The following CERS6 variants were observed in gnomAD, a reference collection of about 807,000 sequenced individuals.
CERS6 encodes the protein LAG1 homolog, ceramide synthase 6.
Under a neutral mutation model 56.8 loss-of-function variants are expected in CERS6, and 26 were observed. The ratio of observed to expected loss-of-function variants is 0.46; its 90% CI spans 0.34 to 0.63. The LOEUF is 0.63. Among genes scored for constraint, CERS6 ranks in the 30% least tolerant of loss-of-function variants. CERS6 has a pLI of 0.01. For synonymous variants in CERS6, 164 were observed against 173.3 expected, an observed-to-expected ratio of 0.95 and a Z score of 0.42; for missense variants, 415 against 467.5, an observed-to-expected ratio of 0.89 and a Z score of 1.04.
At chr2:168,717,350 CTTG>C (rs201089823) in intron 7 of CERS6, among the ~76,000 whole-genome samples, 1,562 of 152,198 alleles carry the variant, frequency 0.01, 26 homozygotes, top group African/African-American at 0.034. Flanking sequence ...CAGAGTACTC[CTTG>C]TGCCTGTTTA....
At chr2:168,654,912 A>C (rs963883928) in intron 4 of CERS6, among the ~76,000 whole-genome samples, 1 of 152,218 alleles carries the variant, frequency 6.6e-6, no homozygotes, top group Non-Finnish European at 1.5e-5. Context: ...TCTCTTCTTT[A>C]TACATCTCAT....
intron 1 of CERS6, among the ~76,000 whole-genome samples, chr2:168,536,103 A>C (rs1297589898): frequency 2.0e-5 from 3 of 152,198 alleles, no homozygotes; most frequent in Non-Finnish European, 4.4e-5. Context: ...GTGATCCTAA[A>C]TTCAAGTGGC....
chr2:168,535,762 C>T (rs1194251313), intron 1 of CERS6, among the ~76,000 whole-genome samples: 1 of 127,916 alleles, frequency 7.8e-6, no homozygotes, highest in Non-Finnish European at 1.6e-5. Context: ...CTTTTTATAT[C>T]TCGTGTGCAT....
intron 4 of CERS6, among the ~76,000 whole-genome samples, chr2:168,635,049 C>T (rs1684832095): frequency 3.3e-5 from 5 of 152,158 alleles, no homozygotes; most frequent in Admixed American, 3.3e-4. Flanking sequence ...GCTTAGTGAT[C>T]CAGTTAATTT....
At chr2:168,749,003 T>C (rs1255142304) in intron 8 of CERS6, among the ~76,000 whole-genome samples, 1 of 146,522 alleles carries the variant, frequency 6.8e-6, no homozygotes, top group Non-Finnish European at 1.5e-5. Context: ...CCCTCTGTCT[T>C]ACCATTTCCT....
At chr2:168,711,554 T>C (rs957997197) in intron 6 of CERS6, among the ~76,000 whole-genome samples, 1 of 151,924 alleles carries the variant, frequency 6.6e-6, no homozygotes, top group African/African-American at 2.4e-5. Context: ...GCCAACATGG[T>C]GAAACCCCGT....
intron 8 of CERS6, among the ~76,000 whole-genome samples, chr2:168,742,954 T>A (rs796392365): frequency 2.6e-5 from 4 of 152,258 alleles, no homozygotes; most frequent in African/African-American, 9.6e-5. Context: ...CCTGCTCTCT[T>A]TTGATATTTA....
chr2:168,721,925 C>T (rs978179660), intron 8 of CERS6, among the ~76,000 whole-genome samples: 6 of 152,182 alleles, frequency 3.9e-5, no homozygotes, highest in African/African-American at 1.4e-4. Context: ...CAGCCCACCA[C>T]ACTCTTTTAC....
At chr2:168,718,103 C>T (rs1017872602) in intron 8 of CERS6, 125 bp downstream of exon 8, 8 of 629,516 alleles carry the variant, frequency 1.3e-5, no homozygotes, top group Non-Finnish European at 1.9e-5. Context: ...AGGGGAAATA[C>T]CTCAAGAAGC....
intron 4 of CERS6, among the ~76,000 whole-genome samples, chr2:168,645,986 G>T (rs7583052): frequency 0.31 from 47,509 of 151,776 alleles, 8,868 homozygotes; most frequent in African/African-American, 0.51. Context: ...TTGCAAATAG[G>T]GCTGCAGTGA....
chr2:168,517,407 G>C (rs896423317), intron 1 of CERS6, among the ~76,000 whole-genome samples: 2 of 151,850 alleles, frequency 1.3e-5, no homozygotes, highest in Non-Finnish European at 2.9e-5. Flanking sequence ...CAGGAGAATT[G>C]CTTGAACCCA....
intron 4 of CERS6, among the ~76,000 whole-genome samples, chr2:168,673,497 A>G (rs1298197815): frequency 1.3e-5 from 2 of 152,174 alleles, no homozygotes; most frequent in Non-Finnish European, 2.9e-5. Flanking sequence ...ACAAACCAGG[A>G]TTTGTCTTTT....
intron 4 of CERS6, among the ~76,000 whole-genome samples, chr2:168,685,925 C>T (rs1196526562): frequency 2.0e-5 from 3 of 151,450 alleles, no homozygotes; most frequent in Admixed American, 2.0e-4. Context: ...TTCTCATCCA[C>T]TGTGATATGG....
chr2:168,494,772 T>G (rs1694435913), intron 1 of CERS6, among the ~76,000 whole-genome samples: 1 of 152,130 alleles, frequency 6.6e-6, no homozygotes, highest in Non-Finnish European at 1.5e-5. Flanking sequence ...GCATGGAATA[T>G]CGATAGCTTT....
intron 4 of CERS6, among the ~76,000 whole-genome samples, chr2:168,686,184 G>C (rs1686345988): frequency 6.7e-6 from 1 of 149,948 alleles, no homozygotes; most frequent in African/African-American, 2.5e-5. Flanking sequence ...ACTCTTCCTA[G>C]TATGCAGAGA....
intron 3 of CERS6, among the ~76,000 whole-genome samples, chr2:168,606,847 A>G (rs142337381): frequency 1.3e-3 from 194 of 152,260 alleles, no homozygotes; most frequent in African/African-American, 4.4e-3. Flanking sequence ...AGTTCTCATG[A>G]GATCTGGTTG....
At chr2:168,569,030 T>C (rs901608287) in intron 3 of CERS6, among the ~76,000 whole-genome samples, 4 of 152,186 alleles carry the variant, frequency 2.6e-5, no homozygotes, top group African/African-American at 9.7e-5. Flanking sequence ...AACATTTGCT[T>C]GTAGTGGCTG....
chr2:168,768,314 C>T (rs970344440), intron 9 of CERS6, among the ~76,000 whole-genome samples: 5 of 151,754 alleles, frequency 3.3e-5, no homozygotes, highest in African/African-American at 9.7e-5. Context: ...ACCGCAACCT[C>T]CACTTCCTGG....
chr2:168,578,676 T>C (rs1162255840), intron 3 of CERS6, among the ~76,000 whole-genome samples: 3 of 152,166 alleles, frequency 2.0e-5, no homozygotes, highest in Non-Finnish European at 4.4e-5. Context: ...TAGTTTTTTC[T>C]CTTTATACTT....
Sources: gnomAD v4.1 joint callset for allele counts (sites outside exome capture counted in the v4.1 genomes callset) on GRCh38, gnomAD v4.1.1 for gene constraint, MANE v1.5 for transcripts, NCBI Gene and HGNC (gene_info 2026-07-23, HGNC 2026-07-21) for gene names.